The following RASSF3 variants were observed in gnomAD, a reference collection of about 807,000 sequenced individuals.
RASSF3 encodes Ras association domain family member 3.
In RASSF3, 19 loss-of-function variants were observed where a neutral mutation model predicts 19.9. The ratio of observed to expected loss-of-function variants is 0.96; its 90% CI spans 0.67 to 1.40. RASSF3 has a LOEUF of 1.40. RASSF3 is among the 40% of genes most tolerant of loss of function. The probability of loss-of-function intolerance (pLI) is 0.00; values close to 1 mark genes in which losing one functional copy is unlikely to be tolerated. For missense variants in RASSF3, 306 were observed against 289.8 expected, an observed-to-expected ratio of 1.06 and a Z score of -0.41; for synonymous variants, 110 against 104.2, an observed-to-expected ratio of 1.06 and a Z score of -0.34.
intron 2 of RASSF3, chr12:64,599,159 A>T (rs1411139748): frequency 6.6e-6 from 1 of 151,960 alleles, no homozygotes; most frequent in East Asian, 1.9e-4. Flanking sequence ...AGTAGTGGTG[A>T]CTCTTCACTT....
chr12:64,570,984 G>A (rs1869508843), intron 2 of RASSF3, among the ~76,000 whole-genome samples: 2 of 152,186 alleles, frequency 1.3e-5, no homozygotes, highest in South Asian at 4.1e-4. Context: ...TTGGGAGGCC[G>A]AGATGGGTGG....
At chr12:64,647,755 G>A (rs2136188215) in intron 1 of RASSF3, among the ~76,000 whole-genome samples, 1 of 151,488 alleles carries the variant, frequency 6.6e-6, no homozygotes, top group African/African-American at 2.4e-5. Context: ...TTGCCCTGTT[G>A]CCCAGGATGG....
At chr12:64,668,561 C>T (rs1017180950) in intron 1 of RASSF3, among the ~76,000 whole-genome samples, 3 of 152,164 alleles carry the variant, frequency 2.0e-5, no homozygotes, top group Non-Finnish European at 2.9e-5. Context: ...GTGTGAGCCA[C>T]CATGTCCAGC....
At chr12:64,640,465 C>G (rs771043834) in intron 1 of RASSF3, among the ~76,000 whole-genome samples, 67 of 152,186 alleles carry the variant, frequency 4.4e-4, no homozygotes, top group Non-Finnish European at 8.1e-4. Context: ...ATTTCCCTCT[C>G]TACCTATACC....
In RASSF3 at chr12:64,517,260, T is replaced by C. The variant is rs568576478; in HGVS notation, c.169+9931T>C. 3.9e-5 allele frequency among the ~76,000 whole-genome samples: 6 copies of C among 152,196 alleles called. No individual in the cohort carries two copies. The South Asian group carries it at 1.2e-3, about 32-fold the overall frequency. On this transcript the variant is annotated intron_variant, in intron 1 of 5. Transcript: ENST00000637125. ...AAAATATGATTTACATAGAAAGGTATCCTTTGTTCTTAATGAAAGGATTCA... is the reference window on the plus strand; with the variant it reads ...AAAATATGATTTACATAGAAAGGTACCCTTTGTTCTTAATGAAAGGATTCA...
chr12:64,661,699 T>C (rs893561022), intron 1 of RASSF3, among the ~76,000 whole-genome samples: 2 of 139,836 alleles, frequency 1.4e-5, no homozygotes, highest in Admixed American at 7.1e-5. Context: ...TTTTTTTTTT[T>C]TGAGACAGGG....
intron 1 of RASSF3, among the ~76,000 whole-genome samples, chr12:64,669,738 A>T (rs1210967032): frequency 1.3e-5 from 2 of 151,734 alleles, no homozygotes; most frequent in Non-Finnish European, 2.9e-5. Context: ...CGCAGTGCTG[A>T]GGAAAGGTGG....
chr12:64,559,618 G>C (rs1353927844), intron 2 of RASSF3, among the ~76,000 whole-genome samples: 1 of 152,090 alleles, frequency 6.6e-6, no homozygotes, highest in Admixed American at 6.6e-5. Flanking sequence ...TCTGCCACCT[G>C]CCAGGGCAAC....
intron 1 of RASSF3, among the ~76,000 whole-genome samples, chr12:64,681,364 A>G (rs566684092): frequency 5.3e-5 from 8 of 152,310 alleles, no homozygotes; most frequent in African/African-American, 1.4e-4. Flanking sequence ...GAAGCACCTT[A>G]GAGGAGGTGA....
chr12:64,662,541 C>G (rs922080547), intron 1 of RASSF3, among the ~76,000 whole-genome samples: 8 of 151,886 alleles, frequency 5.3e-5, no homozygotes, highest in African/African-American at 1.7e-4. Flanking sequence ...TGCACTCCAG[C>G]CTGGGTGACA....
intron 2 of RASSF3, among the ~76,000 whole-genome samples, chr12:64,564,543 C>T (rs148174614): frequency 9.9e-5 from 15 of 152,030 alleles, no homozygotes; most frequent in East Asian, 7.7e-4. Flanking sequence ...CCACCATGCC[C>T]GGCTAATTTT....
chr12:64,521,314 G>A (rs1193123635), intron 1 of RASSF3, among the ~76,000 whole-genome samples: 1 of 152,222 alleles, frequency 6.6e-6, no homozygotes, highest in Non-Finnish European at 1.5e-5. Context: ...TCCTTGGGCA[G>A]TGGCAGGAGA....
At chr12:64,544,630 G>A (rs1378851960), downstream of RASSF3, among the ~76,000 whole-genome samples, 1 of 151,096 alleles carries the variant, frequency 6.6e-6, no homozygotes, top group East Asian at 1.9e-4. Context: ...AAAAAAAAAA[G>A]GCTATTTTTT....
chr12:64,681,903 A>G (rs1042567574), intron 1 of RASSF3, among the ~76,000 whole-genome samples: 8 of 152,016 alleles, frequency 5.3e-5, no homozygotes, highest in Admixed American at 5.2e-4. Flanking sequence ...TATTCAGGAG[A>G]CTGAGGTGGG....
At position 64,508,740 on chromosome 12, in the gene RASSF3, T is replaced by C. The variant is rs530010297; in HGVS notation, c.169+1411T>C. 3.3e-5 allele frequency among the ~76,000 whole-genome samples: 5 copies of C among 151,578 alleles called. No homozygotes were observed. In the East Asian group the frequency reaches 5.9e-4, roughly 18 times the overall value. ...TCTCTACTAAAAATACAAAATTAGC[T>C]GGGTGTGGTAGCACATGCCTGTAAT... On this transcript the variant is annotated intron_variant, in intron 1 of 5. Coordinates refer to the RASSF3 transcript ENST00000637125.
intron 2 of RASSF3, among the ~76,000 whole-genome samples, chr12:64,551,379 A>G (rs1168143717): frequency 6.6e-6 from 1 of 152,178 alleles, no homozygotes; most frequent in Non-Finnish European, 1.5e-5. Flanking sequence ...GTTTGAGACC[A>G]GGCTGGGCAA....
intron 1 of RASSF3, among the ~76,000 whole-genome samples, chr12:64,611,193 G>A (rs1870348789): frequency 6.6e-6 from 1 of 152,190 alleles, no homozygotes; most frequent in Admixed American, 6.5e-5. Flanking sequence ...AATAGCTAGG[G>A]GTGGCCGGGT....
chr12:64,600,977 T>G (rs1202180347), intron 2 of RASSF3, among the ~76,000 whole-genome samples: 1 of 152,176 alleles, frequency 6.6e-6, no homozygotes, highest in East Asian at 1.9e-4. Context: ...TCTATTTTTA[T>G]CCATCTAGGC....
intron 2 of RASSF3, among the ~76,000 whole-genome samples, chr12:64,570,821 G>A (rs531019593): frequency 6.6e-6 from 1 of 152,260 alleles, no homozygotes; most frequent in African/African-American, 2.4e-5. Context: ...TGTCATCTCA[G>A]CGTGGCTCCG....
Sources: allele counts gnomAD v4.1 joint callset (sites outside exome capture counted in the v4.1 genomes callset), GRCh38; gene constraint gnomAD v4.1.1; transcripts MANE v1.5; gene names NCBI Gene and HGNC (gene_info 2026-07-23, HGNC 2026-07-21).